The following ASPRV1 variants were observed in gnomAD, a reference collection of about 807,000 sequenced individuals.
The protein encoded by ASPRV1 is aspartic peptidase retroviral like 1, also known as retroviral-like aspartic protease 1.
In ASPRV1, 7 loss-of-function variants were observed where a neutral mutation model predicts 11.0. The observed-to-expected ratio is 0.64, with a 90% confidence interval of 0.36 to 1.20. ASPRV1 has a LOEUF of 1.20. ASPRV1 is among the 50% of genes most tolerant of loss of function. ASPRV1 has a pLI of 0.02. For missense variants in ASPRV1, 299 were observed against 320.0 expected (o/e 0.93, Z 0.50); for synonymous variants, 136 against 138.4 (o/e 0.98, Z 0.12).
chr2:70,002,748 A>G, the ASPRV1 span, among the ~76,000 whole-genome samples: 2 of 152,184 alleles, frequency 1.3e-5, no homozygotes, highest in Non-Finnish European at 2.9e-5. Context: ...ACAACTTCAC[A>G]TCTTTGCTGT....
chr2:70,076,418 T>G, the ASPRV1 span, among the ~76,000 whole-genome samples: 4 of 152,256 alleles, frequency 2.6e-5, no homozygotes, highest in Admixed American at 2.6e-4. Flanking sequence ...ATTTTAATTT[T>G]TATGATAATA....
chr2:70,011,363 A>C, the ASPRV1 span, among the ~76,000 whole-genome samples: 1 of 151,864 alleles, frequency 6.6e-6, no homozygotes, highest in South Asian at 2.1e-4. Flanking sequence ...GGGGCCAGGG[A>C]GAAGACCCTT....
the ASPRV1 span, among the ~76,000 whole-genome samples, chr2:69,973,710 G>T: frequency 1.3e-5 from 2 of 152,322 alleles, no homozygotes; most frequent in Middle Eastern, 3.4e-3. Flanking sequence ...AATAGTTTTT[G>T]AATACTGGAA....
At chr2:70,058,732 T>C in the ASPRV1 span, among the ~76,000 whole-genome samples, 17 of 151,120 alleles carry the variant, frequency 1.1e-4, no homozygotes, top group South Asian at 8.4e-4. Flanking sequence ...TTTGTATTTT[T>C]AGTAGAGACA....
At chr2:70,067,020 C>G in the ASPRV1 span, among the ~76,000 whole-genome samples, 3 of 152,106 alleles carry the variant, frequency 2.0e-5, no homozygotes, top group Non-Finnish European at 4.4e-5. Context: ...ATAATAACAA[C>G]TAAGATTCAC....
chr2:70,087,126 C>T, the ASPRV1 span: 1 of 152,364 alleles, frequency 6.6e-6, no homozygotes, highest in Non-Finnish European at 1.5e-5. Flanking sequence ...GCAGTTTCCG[C>T]CGGGGCTGCC....
the ASPRV1 span, chr2:69,996,558 C>G: frequency 2.6e-6 from 1 of 385,534 alleles, no homozygotes; most frequent in Non-Finnish European, 5.2e-6. Context: ...CAGTGATGTT[C>G]CAGAACAACA....
the ASPRV1 span, chr2:70,087,175 A>G: frequency 1.3e-5 from 2 of 152,266 alleles, no homozygotes; most frequent in African/African-American, 2.4e-5. Flanking sequence ...GTAGGGCAGG[A>G]AAATAATGTC....
chr2:69,998,869 C>T, the ASPRV1 span, among the ~76,000 whole-genome samples: 1 of 152,170 alleles, frequency 6.6e-6, no homozygotes, highest in African/African-American at 2.4e-5. Context: ...GGGCTCCGGG[C>T]ATGACTGACA....
the ASPRV1 span, among the ~76,000 whole-genome samples, chr2:70,072,700 C>T: frequency 4.0e-5 from 6 of 151,394 alleles, no homozygotes; most frequent in Admixed American, 1.3e-4. Context: ...CTGTCCTGGG[C>T]GACAGAGCAA....
chr2:69,994,841 CAA>C, the ASPRV1 span, among the ~76,000 whole-genome samples: 1 of 142,028 alleles, frequency 7.0e-6, no homozygotes. Context: ...ATTAAAAATA[CAA>C]AAAAAAAAAT....
chr2:70,054,904 A>G, the ASPRV1 span, among the ~76,000 whole-genome samples: 1 of 152,192 alleles, frequency 6.6e-6, no homozygotes, highest in Non-Finnish European at 1.5e-5. Flanking sequence ...TTATTTAACC[A>G]CCCCTTAAAC....
chr2:69,949,488 G>A, the ASPRV1 span, among the ~76,000 whole-genome samples: 7 of 152,124 alleles, frequency 4.6e-5, 1 homozygote, highest in Admixed American at 2.0e-4. Context: ...GAAAATACCC[G>A]GGTTTTGGAA....
the ASPRV1 span, among the ~76,000 whole-genome samples, chr2:69,982,939 G>C: frequency 2.0e-5 from 3 of 152,016 alleles, no homozygotes; most frequent in African/African-American, 7.3e-5. Context: ...ATTTTTTTGA[G>C]ATGGAGTCTT....
At chr2:69,964,709 G>A (rs1444128919), upstream of ASPRV1, 2 of 170,192 alleles carry the variant, frequency 1.2e-5, no homozygotes, top group African/African-American at 4.8e-5. Context: ...ACACCGCACT[G>A]AACCCTGCAG....
At chr2:70,014,639 A>G in the ASPRV1 span, 1 of 151,996 alleles carries the variant, frequency 6.6e-6, no homozygotes, top group Non-Finnish European at 1.5e-5. Context: ...CATCTCTACA[A>G]AAAATAAAAA....
the ASPRV1 span, among the ~76,000 whole-genome samples, chr2:70,034,139 C>T: frequency 8.6e-6 from 1 of 116,206 alleles, no homozygotes; most frequent in Admixed American, 1.2e-4. Flanking sequence ...TGAGCGACAG[C>T]GAGACTCCAT....
the ASPRV1 span, among the ~76,000 whole-genome samples, chr2:69,975,098 A>G: frequency 6.6e-6 from 1 of 152,228 alleles, no homozygotes; most frequent in Non-Finnish European, 1.5e-5. Context: ...CTCAGGCAGG[A>G]GGAAGGAGGA....
At chr2:69,980,863 C>G in the ASPRV1 span, among the ~76,000 whole-genome samples, 1 of 152,186 alleles carries the variant, frequency 6.6e-6, no homozygotes, top group Non-Finnish European at 1.5e-5. Context: ...GCAATCTCCC[C>G]CTCCTGGATT....
Sources: gnomAD v4.1 joint callset for allele counts (sites outside exome capture counted in the v4.1 genomes callset) on GRCh38, gnomAD v4.1.1 for gene constraint, MANE v1.5 for transcripts, NCBI Gene and HGNC (gene_info 2026-07-23, HGNC 2026-07-21) for gene names.